The following LYSMD2 variants were observed in gnomAD, a reference collection of about 807,000 sequenced individuals.
The protein encoded by LYSMD2 is LysM domain containing 2.
A neutral mutation model predicts 17.7 loss-of-function variants in LYSMD2; 6 were observed. The observed-to-expected ratio is 0.34, with a 90% CI of 0.19 to 0.67. The LOEUF (loss-of-function observed/expected upper bound fraction) is 0.67, where lower values mean the gene tolerates loss of function less well. Among genes scored for constraint, LYSMD2 ranks in the 30% least tolerant of loss-of-function variants. The pLI, the probability that LYSMD2 is intolerant of heterozygous loss-of-function variation, is 0.69. For synonymous variants in LYSMD2, 102 were observed against 129.8 expected (o/e 0.79, Z 1.45); for missense variants, 237 against 286.7 (o/e 0.83, Z 1.25).
intron 1 of LYSMD2, among the ~76,000 whole-genome samples, chr15:51,749,567 C>T (rs1462073670): frequency 6.6e-6 from 1 of 152,208 alleles, no homozygotes; most frequent in Non-Finnish European, 1.5e-5. Context: ...CCATTTTCCT[C>T]GTGCAGAACC....
At chr15:51,736,257 C>A (rs2055607919) in intron 1 of LYSMD2, among the ~76,000 whole-genome samples, 1 of 152,162 alleles carries the variant, frequency 6.6e-6, no homozygotes, top group African/African-American at 2.4e-5. Context: ...GCCTCTGACT[C>A]AAACCAGGCC....
chr15:51,724,766 A>T, intron 2 of LYSMD2, 24 bp downstream of exon 2: 1 of 1,550,910 alleles, frequency 6.4e-7, no homozygotes, highest in Middle Eastern at 1.7e-4. Context: ...TTAGACTTTG[A>T]CATTTGTACC....
At chr15:51,735,675 G>A (rs576130389) in intron 1 of LYSMD2, among the ~76,000 whole-genome samples, 1 of 152,352 alleles carries the variant, frequency 6.6e-6, no homozygotes, top group Admixed American at 6.5e-5. Flanking sequence ...GAGGTTATGA[G>A]TAATAGGATC....
In LYSMD2 at chr15:51,724,780, G is replaced by A. The variant is rs376994349; in HGVS notation, c.605+10C>T. The A allele has an allele frequency of 6.3e-7, 1 of 1,596,666 alleles. No homozygotes were observed. Among genetic ancestry groups the A allele is most frequent in the Non-Finnish European group, 8.6e-7 (1 of 1,167,668 alleles). ...TTTAGACTTTGACATTTGTACCAGG[G>A]TATTCTTACCTGCTCTCTTCTTTTA... On this transcript the variant is annotated intron_variant, in intron 2 of 2. Transcript: ENST00000267838.
chr15:51,745,994 T>C (rs3898905), intron 1 of LYSMD2, among the ~76,000 whole-genome samples: 60,251 of 152,046 alleles, frequency 0.4, 12,076 homozygotes, highest in Middle Eastern at 0.46. Context: ...TTTTCACCCA[T>C]TGCTGGTTAG....
At chr15:51,744,308 G>A (rs2055656798) in intron 1 of LYSMD2, among the ~76,000 whole-genome samples, 1 of 152,082 alleles carries the variant, frequency 6.6e-6, no homozygotes, top group Admixed American at 6.5e-5. Context: ...AATTGAGGAA[G>A]TACCCCTCTG....
Position 51,724,795 on chromosome 15 carries a change from C to T in LYSMD2, c.600G>A (p.Glu200=). 6.2e-7 allele frequency: 1 copy of T among 1,611,868 alleles called. No homozygotes were observed. Among genetic ancestry groups the T allele is most frequent in the South Asian group, 1.1e-5 (1 of 90,854 alleles). The stretch of plus-strand genomic sequence containing the variant: ...TTGTACCAGGGTATTCTTACCTGCT[C>T]TCTTCTTTTAGCTTCTTGGCTGCCT... ...STQAAKKLKE[E]SRDEESPYAT... is the part of the protein sequence containing the mutation. Residue 200 remains glutamate, a synonymous_variant, in exon 2 of 3, where the codon GAG becomes GAA. Transcript: ENST00000267838.
At chr15:51,724,598 A>AAAG (rs2055524575) in intron 2 of LYSMD2, among the ~76,000 whole-genome samples, 192 bp downstream of exon 2, 1 of 107,716 alleles carries the variant, frequency 9.3e-6, no homozygotes, top group African/African-American at 3.1e-5. Context: ...TTAAAGCAAA[A>AAAG]AAAGAAAGAA....
intron 1 of LYSMD2, among the ~76,000 whole-genome samples, chr15:51,733,169 G>A (rs2055586965): frequency 6.6e-6 from 1 of 151,980 alleles, no homozygotes; most frequent in Non-Finnish European, 1.5e-5. Flanking sequence ...TGCCTGGAAT[G>A]TTCTTCACCA....
At chr15:51,729,204 T>TAGGGG (rs1452270889) in intron 1 of LYSMD2, among the ~76,000 whole-genome samples, 1 of 152,080 alleles carries the variant, frequency 6.6e-6, no homozygotes, top group East Asian at 1.9e-4. Context: ...TAGGGAGTAA[T>TAGGGG]AAGCAAACTT....
chr15:51,735,107 G>A (rs958439012), intron 1 of LYSMD2, among the ~76,000 whole-genome samples: 10 of 152,042 alleles, frequency 6.6e-5, no homozygotes, highest in Non-Finnish European at 1.0e-4. Context: ...AGCGGCAGCT[G>A]AGGCTGCAGT....
At chr15:51,744,374 T>A (rs534634715) in intron 1 of LYSMD2, among the ~76,000 whole-genome samples, 2 of 152,216 alleles carry the variant, frequency 1.3e-5, no homozygotes, top group South Asian at 4.1e-4. Flanking sequence ...ATGTCAAAAG[T>A]TTTTTCTGCA....
chr15:51,751,195 A>G, intron 1 of LYSMD2: 1 of 694,716 alleles, frequency 1.4e-6, no homozygotes, highest in Non-Finnish European at 2.6e-6. Flanking sequence ...TTCCCTCCCT[A>G]GGCTGCCAAC....
upstream of LYSMD2, chr15:51,737,736 CG>C: frequency 1.3e-6 from 1 of 795,962 alleles, no homozygotes; most frequent in South Asian, 6.4e-5. The surrounding 1 kb of genome is among the most constrained non-coding windows in gnomAD (Gnocchi z 4.2). Flanking sequence ...GGCCGTTCCG[CG>C]GGGGCGGCGG....
chr15:51,737,489 G>A lies in LYSMD2; in HGVS notation c.134C>T (p.Ala45Val). ...GCCGTACGAGCGGGTCTTGGTGCGG[G>A]CCAGGCTCAGCGACAGCTCGGCCTC... is the stretch of plus-strand genomic sequence containing the variant. ...SEEAELSLSL[A>V]RTKTRSYGST... The change falls in exon 1 of 3, where the codon GCC (alanine) becomes GTC (valine). Residue 45 changes from alanine to valine, a missense_variant. Coordinates refer to ENST00000267838, the MANE Select transcript of LYSMD2 (RefSeq NM_153374.3). The surrounding 1 kb of genome is among the most constrained non-coding windows in gnomAD (Gnocchi z 4.2). 7.3e-7 allele frequency: 1 copy of A among 1,366,674 alleles called. No homozygotes were observed. Among genetic ancestry groups the A allele is most frequent in the Non-Finnish European group, 9.4e-7 (1 of 1,060,024 alleles). 84.7% of individuals were successfully genotyped at this position (1,366,674 alleles called of 1,614,324 possible). A position where few individuals can be genotyped will look rare whatever the true frequency, so the allele number is the denominator to read the frequency against.
upstream of LYSMD2, among the ~76,000 whole-genome samples, chr15:51,740,280 T>A (rs185790504): frequency 6.6e-6 from 1 of 152,286 alleles, no homozygotes; most frequent in East Asian, 1.9e-4. Context: ...TTTGTTTTTT[T>A]GTTTTTAAAA....
chr15:51,739,988 T>G (rs977857489), upstream of LYSMD2, among the ~76,000 whole-genome samples: 6 of 152,276 alleles, frequency 3.9e-5, no homozygotes, highest in Middle Eastern at 0.01. Context: ...AGATAGAGTC[T>G]TGCTCTGTTG....
At chr15:51,744,388 A>G (rs939326787) in intron 1 of LYSMD2, among the ~76,000 whole-genome samples, 2 of 152,174 alleles carry the variant, frequency 1.3e-5, no homozygotes, top group Admixed American at 1.3e-4. Flanking sequence ...TTCTGCATCT[A>G]TTGATATAAT....
Position 51,723,646 on chromosome 15 carries a change from A to G in LYSMD2, c.609T>C (p.Asp203=), listed in dbSNP as rs535151136. 6 of 1,600,586 alleles carry G rather than the reference A, an allele frequency of 3.7e-6. No individual in the cohort carries two copies. The East Asian group carries it at 1.4e-4, about 36-fold the overall frequency. ...AAKKLKEESR[D]EESPYATSLY... ...GGGAAGTTGCATAGGGACTTTCTTC[A>G]TCTCTGAAAGAAAATAAATACAGCA... Residue 203 remains aspartate, a synonymous_variant, in exon 3 of 3, where the codon GAT becomes GAC. Coordinates refer to ENST00000267838, the MANE Select transcript of LYSMD2 (RefSeq NM_153374.3).
Sources: allele counts gnomAD v4.1 joint callset (sites outside exome capture counted in the v4.1 genomes callset), GRCh38; gene constraint gnomAD v4.1.1; non-coding constraint Gnocchi (gnomAD v3.1); transcripts MANE v1.5; gene names NCBI Gene and HGNC (gene_info 2026-07-23, HGNC 2026-07-21).